The following AREL1 variants were observed in gnomAD, a reference collection of about 807,000 sequenced individuals.
The protein encoded by AREL1 is apoptosis resistant E3 ubiquitin protein ligase 1, also known as apoptosis-resistant E3 ubiquitin protein ligase 1.
A neutral mutation model predicts 99.0 loss-of-function variants in AREL1; 62 were observed. That is an observed-to-expected ratio of 0.63 (90% CI 0.51 to 0.77). AREL1 has a LOEUF of 0.77. Among genes scored for constraint, AREL1 ranks in the 30% least tolerant of loss-of-function variants. AREL1 has a pLI of 0.00. For missense variants in AREL1, 879 were observed against 1,027.6 expected (o/e 0.86, Z 1.98); for synonymous variants, 380 against 376.5 (o/e 1.01, Z -0.11).
Position 74,692,314 on chromosome 14 carries a change from G to A in AREL1, c.-319C>T. On this transcript the variant is annotated 5_prime_UTR_variant, in exon 2 of 20. Coordinates refer to ENST00000356357, the MANE Select transcript of AREL1 (RefSeq NM_001039479.2). ...GTGCAGGGTGCAATCGACTGCCAAA[G>A]GACGCCCCAGGATCCTGTCCAAAAA... The A allele has an allele frequency of 2.2e-6, 1 of 449,876 alleles. No homozygotes were observed. The highest frequency in any genetic ancestry group is 4.4e-6 in the Non-Finnish European group (1 of 225,156). The allele number at this position is 449,876 out of a possible 1,614,324, so 27.9% of individuals were successfully genotyped here. A position where few individuals can be genotyped will look rare whatever the true frequency, so the allele number is the denominator to read the frequency against.
chr14:74,692,006 C>T (rs143233375), intron 2 of AREL1, 35 bp downstream of exon 2: 1 of 334,372 alleles, frequency 3.0e-6, no homozygotes. Context: ...TTGTACATCC[C>T]AATAACTAAA....
chr14:74,683,539 A>C lies in AREL1; in HGVS notation c.244-6T>G. On this transcript the variant is annotated splice_polypyrimidine_tract_variant and splice_region_variant and intron_variant, in intron 4 of 19. Coordinates refer to ENST00000356357, the MANE Select transcript of AREL1 (RefSeq NM_001039479.2). Reference sequence around the variant, plus strand: ...TGCCCGTTCTTATAGAATAACTGCCATGGGGAGAAGAAGGACACCTGTTAG... The same window carrying C: ...TGCCCGTTCTTATAGAATAACTGCCCTGGGGAGAAGAAGGACACCTGTTAG... 3 of 1,613,404 alleles carry C rather than the reference A, an allele frequency of 1.9e-6. No individual in the cohort carries two copies. The highest frequency in any genetic ancestry group is 2.5e-6 in the Non-Finnish European group (3 of 1,179,378).
At chr14:74,705,228 G>A (rs1278641660) in intron 1 of AREL1, among the ~76,000 whole-genome samples, 2 of 151,980 alleles carry the variant, frequency 1.3e-5, no homozygotes, top group African/African-American at 2.4e-5. Context: ...TAGTAGAGAC[G>A]GGGTTTCTCC....
chr14:74,672,112 A>G (rs2089361198), intron 11 of AREL1: 1 of 383,108 alleles, frequency 2.6e-6, no homozygotes, highest in African/African-American at 2.1e-5. Flanking sequence ...TGACAACAAA[A>G]ATCATTTCCT....
At chr14:74,710,175 C>A (rs1168512618) in intron 1 of AREL1, among the ~76,000 whole-genome samples, 1 of 152,208 alleles carries the variant, frequency 6.6e-6, no homozygotes, top group African/African-American at 2.4e-5. Flanking sequence ...TATCTGACCA[C>A]TTTCATTTCA....
intron 2 of AREL1, among the ~76,000 whole-genome samples, chr14:74,691,712 C>A (rs546722177): frequency 3.9e-5 from 6 of 152,312 alleles, no homozygotes; most frequent in African/African-American, 1.4e-4. Flanking sequence ...GGGAAAAATA[C>A]TTCAAAATAT....
chr14:74,667,290 G>A, intron 17 of AREL1, 29 bp downstream of exon 17: 1 of 1,613,814 alleles, frequency 6.2e-7, no homozygotes, highest in Non-Finnish European at 8.5e-7. Flanking sequence ...GCCAAGTTAA[G>A]AATGGGAGTC....
chr14:74,664,390 T>C (rs986493913), intron 18 of AREL1, among the ~76,000 whole-genome samples: 3 of 151,990 alleles, frequency 2.0e-5, no homozygotes, highest in Admixed American at 6.6e-5. Flanking sequence ...CATCATTTTT[T>C]TTTCCCAGAA....
chr14:74,685,618 G>C lies in AREL1; in HGVS notation c.-3C>G. ...AACGTACCAATAACGTAAAACATCA[G>C]GTCCCGTCAATGCCAACAGACAGCC... is the stretch of plus-strand genomic sequence containing the variant. On this transcript the variant is annotated 5_prime_UTR_variant, in exon 3 of 20. Transcript: ENST00000356357. 1.2e-6 allele frequency: 2 copies of C among 1,614,140 alleles called. No homozygotes were observed. Among genetic ancestry groups the C allele is most frequent in the Admixed American group, 1.7e-5 (1 of 60,024 alleles).
At chr14:74,666,912 G>A (rs2089221738) in intron 17 of AREL1, among the ~76,000 whole-genome samples, 1 of 151,876 alleles carries the variant, frequency 6.6e-6, no homozygotes, top group Non-Finnish European at 1.5e-5. Flanking sequence ...TAGAGACGGG[G>A]TTTCACCATG....
chr14:74,670,056 C>A lies in AREL1; in HGVS notation c.1679G>T (p.Gly560Val), dbSNP rs761997282. 1.2e-6 allele frequency: 2 copies of A among 1,613,854 alleles called. No homozygotes were observed. Among genetic ancestry groups the A allele is most frequent in the East Asian group, 4.5e-5 (2 of 44,880 alleles). ...TAGAGAGGACTCATAGAGACACTTG[C>A]CCACGAGCCGTCCCGCAAACTCATA... is the stretch of plus-strand genomic sequence containing the variant. Reference protein sequence around the residue: ...KMYEFAGRLVGKCLYESSLGG... With the variant: ...KMYEFAGRLVVKCLYESSLGG... Residue 560 changes from glycine to valine, a missense_variant, in exon 14 of 20, where the codon GGC becomes GTC. Coordinates refer to ENST00000356357, the MANE Select transcript of AREL1 (RefSeq NM_001039479.2).
At chr14:74,675,448 T>C (rs975992059) in intron 8 of AREL1, among the ~76,000 whole-genome samples, 1 of 152,242 alleles carries the variant, frequency 6.6e-6, no homozygotes, top group Non-Finnish European at 1.5e-5. Context: ...TGTAGCCTAA[T>C]AGTGACATCC....
At chr14:74,678,751 A>C (rs979188113) in intron 5 of AREL1, among the ~76,000 whole-genome samples, 2 of 152,096 alleles carry the variant, frequency 1.3e-5, no homozygotes, top group African/African-American at 4.8e-5. Flanking sequence ...AATTAACTAA[A>C]AATGGATCAT....
chr14:74,704,386 T>A (rs571268352), intron 1 of AREL1, among the ~76,000 whole-genome samples: 3 of 152,230 alleles, frequency 2.0e-5, no homozygotes, highest in African/African-American at 7.2e-5. Flanking sequence ...ACTTGAGACA[T>A]CAATCAAGAT....
At chr14:74,712,478 C>T (rs1594777303) in intron 1 of AREL1, among the ~76,000 whole-genome samples, 1 of 152,286 alleles carries the variant, frequency 6.6e-6, no homozygotes, top group East Asian at 1.9e-4. Flanking sequence ...AGCTACCTTT[C>T]GCTCCTTGTT....
intron 2 of AREL1, among the ~76,000 whole-genome samples, chr14:74,686,009 A>C (rs2089739823): frequency 6.6e-6 from 1 of 152,220 alleles, no homozygotes. Context: ...GTGCTAATTA[A>C]CACATGCAAA....
At chr14:74,670,665 T>C in intron 13 of AREL1, 97 bp downstream of exon 13, 1 of 968,572 alleles carries the variant, frequency 1.0e-6, no homozygotes, top group Non-Finnish European at 1.6e-6. Flanking sequence ...AGGACACAGG[T>C]TGTCAGGTTC....
intron 1 of AREL1, among the ~76,000 whole-genome samples, chr14:74,704,648 C>T (rs891238506): frequency 1.3e-5 from 2 of 152,116 alleles, no homozygotes; most frequent in African/African-American, 4.8e-5. Flanking sequence ...TTTCCTTTCA[C>T]ATAAATATAA....
chr14:74,674,697 G>A (rs2089432524), intron 8 of AREL1, among the ~76,000 whole-genome samples: 1 of 152,168 alleles, frequency 6.6e-6, no homozygotes, highest in Non-Finnish European at 1.5e-5. Context: ...AAATATCTGG[G>A]ATCAGGTTTT....
Sources: allele counts gnomAD v4.1 joint callset (sites outside exome capture counted in the v4.1 genomes callset), GRCh38; gene constraint gnomAD v4.1.1; transcripts MANE v1.5; gene names NCBI Gene and HGNC (gene_info 2026-07-23, HGNC 2026-07-21).